UXS1: variants seen among roughly 807,000 people sequenced by gnomAD.
The protein encoded by UXS1 is UDP-glucuronic acid decarboxylase 1.
Under a neutral mutation model 62.6 loss-of-function variants are expected in UXS1, and 33 were observed. The ratio of observed to expected loss-of-function variants is 0.53; its 90% confidence interval spans 0.40 to 0.70. UXS1 has a LOEUF of 0.70. Among genes scored for constraint, UXS1 ranks in the 30% least tolerant of loss-of-function variants. UXS1 has a pLI of 0.00. For missense variants in UXS1, 434 were observed against 556.3 expected (o/e 0.78, Z 2.21); for synonymous variants, 213 against 206.8 (o/e 1.03, Z -0.26).
chr2:106,188,863 A>T (rs897729537), intron 1 of UXS1, among the ~76,000 whole-genome samples: 11 of 152,234 alleles, frequency 7.2e-5, no homozygotes, highest in Non-Finnish European at 1.5e-4. Context: ...AAGAAAACAA[A>T]TTTTTTAAAA....
At chr2:106,113,151 A>G (rs1362815421) in intron 9 of UXS1, among the ~76,000 whole-genome samples, 2 of 152,218 alleles carry the variant, frequency 1.3e-5, no homozygotes, top group Non-Finnish European at 2.9e-5. Flanking sequence ...CACATAATAT[A>G]TTGTGCAAAT....
chr2:106,166,388 GT>G, intron 1 of UXS1: 1 of 240,000 alleles, frequency 4.2e-6, no homozygotes, highest in South Asian at 1.3e-4. Context: ...GGAAAAGGCA[GT>G]TTCTAAGTTA....
chr2:106,117,270 C>G (rs947109231), intron 9 of UXS1, among the ~76,000 whole-genome samples: 3 of 152,192 alleles, frequency 2.0e-5, no homozygotes, highest in Non-Finnish European at 4.4e-5. Flanking sequence ...CAATAATTAT[C>G]TTGCTTTTAT....
rs868848220 is a variant in UXS1 at position 106,194,168 on chromosome 2, G to A, written c.74C>T (p.Ala25Val). Residue 25 changes from alanine (A) to valine (V), a missense_variant, in exon 1 of 15, where the codon GCC (alanine) becomes GTC (valine). Coordinates refer to ENST00000283148, the MANE Select transcript of UXS1 (RefSeq NM_001253875.2). Reference protein sequence around the residue: ...RRRMKLLLGIALLAYVASVWG... With the variant: ...RRRMKLLLGIVLLAYVASVWG... ...CTCACAGGCGACGTAGGCCAGCAAGGCGATGCCCAGCAGCAGCTTCATCCT... is the reference window on the plus strand; with the variant it reads ...CTCACAGGCGACGTAGGCCAGCAAGACGATGCCCAGCAGCAGCTTCATCCT... 12 of 1,485,820 alleles carry A rather than the reference G, an allele frequency of 8.1e-6. No individual in the cohort carries two copies. Among genetic ancestry groups the A allele is most frequent in the Middle Eastern group, 3.8e-4 (2 of 5,278 alleles). The allele number at this position is 1,485,820 out of a possible 1,614,324, so 92.0% of individuals were successfully genotyped here.
At chr2:106,152,090 A>G (rs573818075) in intron 5 of UXS1, among the ~76,000 whole-genome samples, 1 of 152,276 alleles carries the variant, frequency 6.6e-6, no homozygotes, top group Non-Finnish European at 1.5e-5. Flanking sequence ...TTCCCCAAGG[A>G]AACAACCATA....
intron 1 of UXS1, among the ~76,000 whole-genome samples, chr2:106,187,742 CTTT>C (rs1342715749): frequency 3.6e-5 from 5 of 139,442 alleles, no homozygotes; most frequent in Non-Finnish European, 4.7e-5. Context: ...CTGTAATTTC[CTTT>C]TTTTTTTTTT....
intron 1 of UXS1, among the ~76,000 whole-genome samples, chr2:106,190,484 G>A (rs904496160): frequency 2.0e-5 from 3 of 152,100 alleles, no homozygotes; most frequent in Admixed American, 2.0e-4. Flanking sequence ...GGTGGCTCAC[G>A]CCTGCAATCC....
chr2:106,191,085 T>C (rs922856194), intron 1 of UXS1, among the ~76,000 whole-genome samples: 3 of 152,248 alleles, frequency 2.0e-5, no homozygotes, highest in East Asian at 3.9e-4. Flanking sequence ...AGAACTCAAG[T>C]ACAATGCAAG....
Position 106,165,573 on chromosome 2 carries a change from T to C in UXS1, c.122+483A>G, listed in dbSNP as rs189128962. On this transcript the variant is annotated intron_variant, in intron 2 of 14. Coordinates refer to ENST00000283148, the MANE Select transcript of UXS1 (RefSeq NM_001253875.2). Reference sequence around the variant, plus strand: ...AACACGAGTTTTATTTTTACAAGAGTGCCTCCTGCCCTATGAAGAAGCACA... The same window carrying C: ...AACACGAGTTTTATTTTTACAAGAGCGCCTCCTGCCCTATGAAGAAGCACA... 5.3e-5 allele frequency among the ~76,000 whole-genome samples: 8 copies of C among 152,200 alleles called. No homozygotes were observed. The East Asian group carries it at 1.5e-3, about 29-fold the overall frequency.
At chr2:106,154,242 C>T (rs1682255041) in intron 5 of UXS1, among the ~76,000 whole-genome samples, 1 of 152,048 alleles carries the variant, frequency 6.6e-6, no homozygotes. Context: ...TAAACACAAA[C>T]AAAAATAGAT....
intron 9 of UXS1, among the ~76,000 whole-genome samples, chr2:106,117,224 G>A (rs910734951): frequency 1.3e-5 from 2 of 152,224 alleles, no homozygotes; most frequent in African/African-American, 2.4e-5. Flanking sequence ...GGAACCTGGA[G>A]CTGCTGCGAT....
At chr2:106,184,765 G>T (rs1391188995) in intron 1 of UXS1, among the ~76,000 whole-genome samples, 1 of 152,024 alleles carries the variant, frequency 6.6e-6, no homozygotes, top group Non-Finnish European at 1.5e-5. Context: ...GAATTCCAGG[G>T]GACACAAACA....
intron 1 of UXS1, among the ~76,000 whole-genome samples, chr2:106,182,451 T>C (rs1055748121): frequency 1.3e-5 from 2 of 152,238 alleles, no homozygotes; most frequent in Non-Finnish European, 2.9e-5. Flanking sequence ...CTTTTCCACA[T>C]TGAGCACCTT....
chr2:106,140,493 CTG>C (rs1426375532), intron 6 of UXS1, among the ~76,000 whole-genome samples: 1 of 152,200 alleles, frequency 6.6e-6, no homozygotes, highest in Non-Finnish European at 1.5e-5. Context: ...TTGGCAAACA[CTG>C]TTTCCACCCC....
At chr2:106,130,150 A>G (rs1680318054) in intron 6 of UXS1, among the ~76,000 whole-genome samples, 1 of 150,968 alleles carries the variant, frequency 6.6e-6, no homozygotes, top group African/African-American at 2.4e-5. Flanking sequence ...TTAGTTTGTG[A>G]GGCAAATATG....
At chr2:106,167,718 A>T (rs1683296577) in intron 1 of UXS1, among the ~76,000 whole-genome samples, 1 of 152,378 alleles carries the variant, frequency 6.6e-6, no homozygotes, top group Admixed American at 6.5e-5. Context: ...CATTAAAAAA[A>T]ATAAAAACTG....
intron 12 of UXS1, among the ~76,000 whole-genome samples, chr2:106,099,520 G>A (rs1677407500): frequency 6.6e-6 from 1 of 152,168 alleles, no homozygotes; most frequent in Non-Finnish European, 1.5e-5. Context: ...GGAGCACAGA[G>A]GGGATGACTA....
chr2:106,110,395 G>A (rs962923736), intron 10 of UXS1, among the ~76,000 whole-genome samples: 1 of 152,194 alleles, frequency 6.6e-6, no homozygotes, highest in African/African-American at 2.4e-5. Flanking sequence ...CTGTGGCCAA[G>A]GAGGCACTAA....
At chr2:106,164,523 GC>G (rs1683093673) in intron 3 of UXS1, among the ~76,000 whole-genome samples, 1 of 152,276 alleles carries the variant, frequency 6.6e-6, no homozygotes, top group African/African-American at 2.4e-5. Flanking sequence ...AATCCATTTT[GC>G]CTTTGAGGTA....
Sources: gnomAD v4.1 joint callset for allele counts (sites outside exome capture counted in the v4.1 genomes callset) on GRCh38, gnomAD v4.1.1 for gene constraint, MANE v1.5 for transcripts, NCBI Gene and HGNC (gene_info 2026-07-23, HGNC 2026-07-21) for gene names.